The following GDE1 variants were observed in gnomAD, a reference collection of about 807,000 sequenced individuals.
GDE1 encodes the protein glycerophosphodiester phosphodiesterase 1.
Under a neutral mutation model 32.2 loss-of-function variants are expected in GDE1, and 24 were observed. That is an observed-to-expected ratio of 0.75 (90% CI 0.54 to 1.05). The LOEUF (loss-of-function observed/expected upper bound fraction) is 1.05. Among genes scored for constraint, GDE1 ranks in the 50% least tolerant of loss-of-function variants. The pLI is 0.00. For synonymous variants in GDE1, 159 were observed against 158.6 expected (o/e 1.00, Z -0.02); for missense variants, 380 against 415.0 (o/e 0.92, Z 0.73).
intron 4 of GDE1, among the ~76,000 whole-genome samples, chr16:19,507,288 C>G (rs1470042484): frequency 6.6e-6 from 1 of 151,946 alleles, no homozygotes; most frequent in Non-Finnish European, 1.5e-5. Context: ...GTGAAATGAG[C>G]TGGATCACAG....
chr16:19,517,014 C>G lies in GDE1; in HGVS notation c.437G>C (p.Arg146Thr). The G allele has an allele frequency of 6.2e-7, 1 of 1,613,404 alleles. No homozygotes were observed. The change falls in exon 2 of 6, where the codon AGG becomes ACG. Residue 146 changes from arginine (R) to threonine (T), a missense_variant and splice_region_variant. Physicochemically the swap from Arg to Thr is moderately conservative, Grantham distance 71 (BLOSUM62 -1). Transcript: ENST00000353258. The part of the protein sequence containing the change: ...KLNPAANHRL[R>T]NDFPDEKIPT... Reference sequence around the variant, plus strand: ...GTTTAAGTGACAATAAACTACTTACCTGAGTCTGTGGTTTGCTGCAGGATT... The same window carrying G: ...GTTTAAGTGACAATAAACTACTTACGTGAGTCTGTGGTTTGCTGCAGGATT...
chr16:19,516,448 A>C (rs1597236974), intron 2 of GDE1, among the ~76,000 whole-genome samples: 1 of 152,174 alleles, frequency 6.6e-6, no homozygotes, highest in African/African-American at 2.4e-5. Context: ...TTAAAAATTC[A>C]CTTCCTCGTG....
chr16:19,518,719 T>C (rs1969412319), intron 1 of GDE1, among the ~76,000 whole-genome samples: 1 of 152,214 alleles, frequency 6.6e-6, no homozygotes, highest in South Asian at 2.1e-4. Flanking sequence ...ATAGTTAAGA[T>C]TTCAATAAAT....
chr16:19,521,709 G>T lies in GDE1; in HGVS notation c.256C>A (p.Arg86=). 6.2e-7 allele frequency: 1 copy of T among 1,611,678 alleles called. No homozygotes were observed. The highest frequency in any genetic ancestry group is 8.5e-7 in the Non-Finnish European group (1 of 1,179,332). The change falls in exon 1 of 6, where the codon CGG becomes AGG. Residue 86 remains arginine, a synonymous_variant. Coordinates refer to ENST00000353258, the MANE Select transcript of GDE1 (RefSeq NM_016641.4). ...CGCGAACGTGGGGGTCTCACCTGCCGAATGGCCGCCAGCGTGTTCTCGGGC... is the reference window on the plus strand; with the variant it reads ...CGCGAACGTGGGGGTCTCACCTGCCTAATGGCCGCCAGCGTGTTCTCGGGC... ...DAPENTLAAI[R]QAAKNGATGV... is the part of the protein sequence containing the mutation.
rs897561399 is a variant in GDE1 at position 19,518,173 on chromosome 16, C to G, written c.262-984G>C. On this transcript the variant is annotated intron_variant, in intron 1 of 5. Coordinates refer to ENST00000353258, the MANE Select transcript of GDE1 (RefSeq NM_016641.4). ...AAAGTGCTGGGATTACAGGTGTGAG[C>G]CACTGTGCCCAGCTATGATCAAGAT... Among the ~76,000 whole-genome samples the G allele has an allele frequency of 6.6e-5, 10 of 152,250 alleles. No individual in the cohort carries two copies. In the South Asian group the frequency reaches 1.5e-3, roughly 22 times the overall value.
chr16:19,511,324 G>A (rs1053029789), intron 2 of GDE1, among the ~76,000 whole-genome samples: 1 of 152,074 alleles, frequency 6.6e-6, no homozygotes, highest in African/African-American at 2.4e-5. Context: ...GGCTGGTCTT[G>A]AACTCCTGAC....
At chr16:19,509,729 C>T (rs557402733) in intron 3 of GDE1, among the ~76,000 whole-genome samples, 5 of 150,706 alleles carry the variant, frequency 3.3e-5, no homozygotes, top group Admixed American at 6.6e-5. Flanking sequence ...GGCGCAATCT[C>T]GGCTCAGTGC....
rs558336573 is a variant in GDE1 at position 19,521,850 on chromosome 16, A to C, written c.115T>G (p.Phe39Val). ...AAGCTGAAGACGCGCAGTAGAACGA[A>C]GAGGCTGCCGGTGAGGAGGCAGGCA... The part of the protein sequence containing the change: ...VNACLLTGSL[F>V]VLLRVFSFEP... Residue 39 changes from phenylalanine (F) to valine (V), a missense_variant, in exon 1 of 6, where the codon TTC (phenylalanine) becomes GTC (valine). Transcript: ENST00000353258. 6.2e-7 allele frequency: 1 copy of C among 1,609,190 alleles called. No individual in the cohort carries two copies. The highest frequency in any genetic ancestry group is 1.3e-5 in the African/African-American group (1 of 75,012).
At chr16:19,508,637 T>G (rs546468144) in intron 3 of GDE1, among the ~76,000 whole-genome samples, 1 of 152,160 alleles carries the variant, frequency 6.6e-6, no homozygotes, top group East Asian at 1.9e-4. Flanking sequence ...GAAAGCATTT[T>G]TTTTTCTGTT....
chr16:19,507,691 T>C lies in GDE1; in HGVS notation c.632A>G (p.Tyr211Cys). The C allele has an allele frequency of 6.7e-7, 1 of 1,499,704 alleles. No individual in the cohort carries two copies. 92.9% of individuals were successfully genotyped at this position (1,499,704 alleles called of 1,614,324 possible). A position where few individuals can be genotyped will look rare whatever the true frequency, so the allele number is the denominator to read the frequency against. Residue 211 changes from tyrosine to cysteine, a missense_variant, in exon 4 of 6, where the codon TAC becomes TGC. By Grantham distance (194) the Tyr-to-Cys change is radical. Coordinates refer to ENST00000353258, the MANE Select transcript of GDE1 (RefSeq NM_016641.4). ...AAGAAAAATCCCGAATGTTACCTTGTAGATAACTTCTGGCAAGAAAGAACA... is the reference window on the plus strand; with the variant it reads ...AAGAAAAATCCCGAATGTTACCTTGCAGATAACTTCTGGCAAGAAAGAACA... ...VVCSFLPEVIYKMRQTDRDVI... is the reference protein window; with the variant it reads ...VVCSFLPEVICKMRQTDRDVI...
rs761553022 is a variant in GDE1, at chr16:19,521,764, G to A, written c.201C>T (p.Ala67=). The A allele has an allele frequency of 2.5e-6, 4 of 1,612,090 alleles. No homozygotes were observed. The highest frequency in any genetic ancestry group is 1.1e-5 in the South Asian group (1 of 90,752). Reference sequence around the variant, plus strand: ...CGTGGCTGCCGCCACGGTGGGCGATGGCAGAAATGCGGTCCCGGGGCTTGA... The same window carrying A: ...CGTGGCTGCCGCCACGGTGGGCGATAGCAGAAATGCGGTCCCGGGGCTTGA... The part of the protein sequence containing the change: ...QVLKPRDRIS[A]IAHRGGSHDA... Residue 67 remains alanine (A), a synonymous_variant, in exon 1 of 6, where the codon GCC becomes GCT. Coordinates refer to ENST00000353258, the MANE Select transcript of GDE1 (RefSeq NM_016641.4).
chr16:19,507,661 T>C (rs765784553), intron 4 of GDE1, 26 bp downstream of exon 4: 3 of 1,144,664 alleles, frequency 2.6e-6, no homozygotes, highest in East Asian at 4.7e-5. Context: ...TCACCTAATA[T>C]GTACAAGAAA....
intron 1 of GDE1, chr16:19,521,145 C>G (rs760329473): frequency 5.9e-5 from 9 of 153,128 alleles, no homozygotes; most frequent in Non-Finnish European, 1.2e-4. Flanking sequence ...TTGTTCTCTT[C>G]CTTGAAGTCA....
chr16:19,504,957 C>A lies in GDE1; in HGVS notation c.772G>T (p.Asp258Tyr). Residue 258 changes from aspartate (D) to tyrosine (Y), a missense_variant, in exon 5 of 6, where the codon GAT (aspartate) becomes TAT (tyrosine). Transcript: ENST00000353258. ...FIFVMMDILLDWSMHNILWYL... is the reference protein window; with the variant it reads ...FIFVMMDILLYWSMHNILWYL... ...CACAAGATATTATGCATGCTCCAAT[C>A]GAGCAAAATGTCCATCATAACAAAT... The A allele has an allele frequency of 6.2e-7, 1 of 1,613,250 alleles. No individual in the cohort carries two copies. The highest frequency in any genetic ancestry group is 8.5e-7 in the Non-Finnish European group (1 of 1,179,220).
Position 19,501,977 on chromosome 16 carries a change from G to A in GDE1, c.*1493C>T, listed in dbSNP as rs930643653. ...ACAAAGGCCACAGATGGGGTTGAAA[G>A]GTGAGAAGCGGTAAGCTAGAGGAGA... On this transcript the variant is annotated 3_prime_UTR_variant, in exon 6 of 6. Coordinates refer to ENST00000353258, the MANE Select transcript of GDE1 (RefSeq NM_016641.4). The A allele has an allele frequency of 1.3e-5, 2 of 152,174 alleles. No homozygotes were observed. Among genetic ancestry groups the A allele is most frequent in the Non-Finnish European group, 2.9e-5 (2 of 68,036 alleles). 9.4% of individuals were successfully genotyped at this position (152,174 alleles called of 1,614,324 possible). A position where few individuals can be genotyped will look rare whatever the true frequency, so the allele number is the denominator to read the frequency against.
intron 4 of GDE1, among the ~76,000 whole-genome samples, chr16:19,507,284 T>C (rs1209253658): frequency 6.6e-6 from 1 of 152,070 alleles, no homozygotes; most frequent in Non-Finnish European, 1.5e-5. Context: ...ATGGGTGAAA[T>C]GAGCTGGATC....
intron 3 of GDE1, among the ~76,000 whole-genome samples, chr16:19,508,348 T>C (rs1969274469): frequency 6.6e-6 from 1 of 152,160 alleles, no homozygotes; most frequent in African/African-American, 2.4e-5. Context: ...TTTATAGTAG[T>C]CTAGCTACGA....
chr16:19,507,181 T>TAAATAAAA (rs1969259381), intron 4 of GDE1, among the ~76,000 whole-genome samples: 3 of 143,844 alleles, frequency 2.1e-5, no homozygotes, highest in Non-Finnish European at 1.5e-5. Flanking sequence ...AATAAATAAA[T>TAAATAAAA]AAAATGGCAT....
At chr16:19,513,996 T>C (rs752829675) in intron 2 of GDE1, among the ~76,000 whole-genome samples, 14 of 152,174 alleles carry the variant, frequency 9.2e-5, no homozygotes, top group African/African-American at 1.7e-4. Context: ...ATGAGAAGAA[T>C]TGAAGCACAC....
Sources: gnomAD v4.1 joint callset for allele counts (sites outside exome capture counted in the v4.1 genomes callset) on GRCh38, gnomAD v4.1.1 for gene constraint, MANE v1.5 for transcripts, NCBI Gene and HGNC (gene_info 2026-07-23, HGNC 2026-07-21) for gene names.